The following ADAMTS17 variants were observed in gnomAD, a reference collection of about 807,000 sequenced individuals.
ADAMTS17 encodes A disintegrin and metalloproteinase with thrombospondin motifs 17.
In ADAMTS17, 113 loss-of-function variants were observed where a neutral mutation model predicts 141.5. The ratio of observed to expected loss-of-function variants is 0.80; its 90% CI spans 0.69 to 0.93. ADAMTS17 has a LOEUF of 0.93. ADAMTS17 is among the 40% of genes least tolerant of loss of function. The pLI, the probability that ADAMTS17 is intolerant of heterozygous loss-of-function variation, is 0.00. For missense variants in ADAMTS17, 1,659 were observed against 1,517.9 expected (o/e 1.09, Z -1.54); for synonymous variants, 768 against 630.6 (o/e 1.22, Z -3.27).
chr15:99,995,167 G>C (rs2060774847), intron 19 of ADAMTS17, among the ~76,000 whole-genome samples: 1 of 152,226 alleles, frequency 6.6e-6, no homozygotes, highest in Non-Finnish European at 1.5e-5. Context: ...GCTACCCCTT[G>C]CTTCTCTGTG....
intron 8 of ADAMTS17, among the ~76,000 whole-genome samples, chr15:100,197,337 C>G (rs190473787): frequency 6.6e-6 from 1 of 152,312 alleles, no homozygotes; most frequent in East Asian, 1.9e-4. Context: ...CATAGCAACT[C>G]GGGTGTTGGT....
At chr15:100,082,835 G>A (rs1464533321) in intron 15 of ADAMTS17, among the ~76,000 whole-genome samples, 2 of 148,116 alleles carry the variant, frequency 1.4e-5, no homozygotes, top group African/African-American at 5.0e-5. Context: ...TCAAGAACCA[G>A]GAGGCTGCAG....
At chr15:100,078,308 A>C (rs1422305193) in intron 15 of ADAMTS17, among the ~76,000 whole-genome samples, 1 of 152,184 alleles carries the variant, frequency 6.6e-6, no homozygotes, top group Non-Finnish European at 1.5e-5. Flanking sequence ...ACTTCAAAAG[A>C]AGTTGAAGAA....
At chr15:100,236,744 G>A (rs1489748775) in intron 7 of ADAMTS17, among the ~76,000 whole-genome samples, 3 of 152,056 alleles carry the variant, frequency 2.0e-5, no homozygotes, top group African/African-American at 7.2e-5. Context: ...AGGCTGAAGT[G>A]GGAGGATTGC....
At chr15:100,152,832 T>TTC (rs2039242039) in intron 9 of ADAMTS17, 70 bp from the exon 10 acceptor site, 11 of 1,571,138 alleles carry the variant, frequency 7.0e-6, no homozygotes, top group South Asian at 1.2e-5. Flanking sequence ...TTTTTCTTTT[T>TTC]TTTTTTGAGT....
chr15:100,137,836 A>T (rs936463664), intron 10 of ADAMTS17, among the ~76,000 whole-genome samples: 15 of 151,908 alleles, frequency 9.9e-5, no homozygotes, highest in Non-Finnish European at 1.9e-4. Context: ...CCACCCTTTC[A>T]CTGCCAACAC....
At chr15:100,102,821 C>T (rs998211848) in intron 14 of ADAMTS17, among the ~76,000 whole-genome samples, 1 of 152,182 alleles carries the variant, frequency 6.6e-6, no homozygotes, top group South Asian at 2.1e-4. Flanking sequence ...ACTTGACAGC[C>T]CGTCAAGCTC....
chr15:100,268,467 T>C (rs73481999), intron 4 of ADAMTS17, among the ~76,000 whole-genome samples: 16,036 of 152,256 alleles, frequency 0.11, 974 homozygotes, highest in African/African-American at 0.17. Flanking sequence ...GTTATTTTTC[T>C]GACTTTTTAA....
intron 7 of ADAMTS17, among the ~76,000 whole-genome samples, chr15:100,226,154 G>A (rs1426273072): frequency 6.6e-6 from 1 of 152,180 alleles, no homozygotes; most frequent in Non-Finnish European, 1.5e-5. Context: ...TGCCCATTCA[G>A]TCCTTACAGC....
At chr15:99,982,183 C>G (rs1426116572) in intron 20 of ADAMTS17, among the ~76,000 whole-genome samples, 1 of 152,276 alleles carries the variant, frequency 6.6e-6, no homozygotes, top group African/African-American at 2.4e-5. Context: ...TCCACAAATC[C>G]TGCTGTTATT....
chr15:100,215,165 C>T (rs2041931583), intron 7 of ADAMTS17, among the ~76,000 whole-genome samples: 1 of 152,224 alleles, frequency 6.6e-6, no homozygotes, highest in South Asian at 2.1e-4. Flanking sequence ...GTTTGGAACG[C>T]AGTAGCAATA....
intron 2 of ADAMTS17, among the ~76,000 whole-genome samples, chr15:100,335,199 C>T (rs1045037808): frequency 3.9e-5 from 6 of 152,160 alleles, no homozygotes; most frequent in African/African-American, 9.7e-5. Flanking sequence ...ACTGTAACGC[C>T]GGCTCAAGGT....
chr15:100,123,303 T>C (rs1302142607), intron 12 of ADAMTS17, among the ~76,000 whole-genome samples: 1 of 152,094 alleles, frequency 6.6e-6, no homozygotes, highest in Non-Finnish European at 1.5e-5. Flanking sequence ...AAAACACATC[T>C]AGGGAGACTA....
chr15:100,106,356 C>T (rs549236584), intron 14 of ADAMTS17, among the ~76,000 whole-genome samples: 7 of 152,330 alleles, frequency 4.6e-5, no homozygotes, highest in African/African-American at 9.6e-5. Context: ...TTGACTAAGA[C>T]GACACCCAAG....
At chr15:100,203,158 C>A (rs769278025) in intron 7 of ADAMTS17, among the ~76,000 whole-genome samples, 4 of 152,202 alleles carry the variant, frequency 2.6e-5, no homozygotes, top group Non-Finnish European at 4.4e-5. Flanking sequence ...GAAACAGAGG[C>A]TCCACTACAC....
chr15:100,234,802 T>C (rs1369606232), intron 7 of ADAMTS17, among the ~76,000 whole-genome samples: 1 of 151,860 alleles, frequency 6.6e-6, no homozygotes, highest in Non-Finnish European at 1.5e-5. Context: ...TGAGCCAGGG[T>C]GGAAAGGAAG....
intron 3 of ADAMTS17, among the ~76,000 whole-genome samples, chr15:100,321,906 ACT>A (rs2045744538): frequency 6.6e-6 from 1 of 152,206 alleles, no homozygotes; most frequent in Non-Finnish European, 1.5e-5. Flanking sequence ...GAGATTATGT[ACT>A]CTTTTCATTT....
At chr15:100,325,739 C>G (rs111403992) in intron 3 of ADAMTS17, among the ~76,000 whole-genome samples, 1 of 152,174 alleles carries the variant, frequency 6.6e-6, no homozygotes, top group Non-Finnish European at 1.5e-5. Flanking sequence ...CCACCAGAAA[C>G]AGACACTGAC....
intron 4 of ADAMTS17, among the ~76,000 whole-genome samples, chr15:100,267,341 T>C (rs918528998): frequency 6.6e-6 from 1 of 152,206 alleles, no homozygotes; most frequent in African/African-American, 2.4e-5. Flanking sequence ...TATTCCATTG[T>C]ATGGACACCC....
Sources: gnomAD v4.1 joint callset for allele counts (sites outside exome capture counted in the v4.1 genomes callset) on GRCh38, gnomAD v4.1.1 for gene constraint, MANE v1.5 for transcripts, NCBI Gene and HGNC (gene_info 2026-07-23, HGNC 2026-07-21) for gene names.